LRBA: variants seen among roughly 807,000 people sequenced by gnomAD.
LRBA encodes lipopolysaccharide-responsive and beige-like anchor protein.
A neutral mutation model predicts 330.0 loss-of-function variants in LRBA; 176 were observed. The observed-to-expected ratio is 0.53, with a 90% CI of 0.47 to 0.60. LRBA has a LOEUF of 0.60. Ranked by LOEUF, LRBA falls within the 20% of genes least tolerant of loss-of-function variation. The pLI, the probability that LRBA is intolerant of heterozygous loss-of-function variation, is 0.00. For missense variants in LRBA, 3,259 were observed against 3,444.8 expected (o/e 0.95, Z 1.35); for synonymous variants, 1,230 against 1,193.0 (o/e 1.03, Z -0.64).
intron 2 of LRBA, among the ~76,000 whole-genome samples, chr4:150,985,109 A>T (rs1287746274): frequency 6.6e-6 from 1 of 152,104 alleles, no homozygotes; most frequent in Non-Finnish European, 1.5e-5. Flanking sequence ...AATACAAAAA[A>T]TTAACCAGGC....
intron 36 of LRBA, among the ~76,000 whole-genome samples, chr4:150,731,306 A>G (rs1334116563): frequency 1.3e-5 from 2 of 152,192 alleles, no homozygotes; most frequent in East Asian, 3.8e-4. Context: ...TCCAAAAGAA[A>G]GGAAATCAGT....
intron 44 of LRBA, among the ~76,000 whole-genome samples, chr4:150,446,241 T>G (rs1034695800): frequency 1.3e-5 from 2 of 152,192 alleles, no homozygotes; most frequent in Non-Finnish European, 2.9e-5. Flanking sequence ...GCCAGGCATC[T>G]GAGTTGTAAG....
Position 150,639,809 on chromosome 4 carries a change from GTGTGTGTGTGTATA to G in LRBA, c.5922-40692_5922-40679del, listed in dbSNP as rs1561457801. Among the ~76,000 whole-genome samples, 11 of 6,120 alleles carry G rather than the reference GTGTGTGTGTGTATA, an allele frequency of 1.8e-3. 1 individual carries two copies. Among genetic ancestry groups the G allele is most frequent in the East Asian group, 8.0e-3 (2 of 250 alleles). The allele number at this position is 6,120 out of a possible 152,430, so 4.0% of individuals were successfully genotyped here. A position where few individuals can be genotyped will look rare whatever the true frequency, so the allele number is the denominator to read the frequency against. ...TGTGTGTGTATATATATATATATGTGTGTGTGTGTGTATATATATATATATATATATATATATAT... is the reference window on the plus strand; with the variant it reads ...TGTGTGTGTATATATATATATATGTGTATATATATATATATATATATATAT... On this transcript the variant is annotated intron_variant, in intron 37 of 56. Transcript: ENST00000651943.
intron 53 of LRBA, among the ~76,000 whole-genome samples, chr4:150,292,260 A>G (rs991240877): frequency 1.2e-4 from 18 of 152,194 alleles, no homozygotes; most frequent in African/African-American, 4.3e-4. Flanking sequence ...ATTTAGGAAA[A>G]CAGGTGACAA....
chr4:150,360,943 C>A (rs965291226), intron 47 of LRBA, among the ~76,000 whole-genome samples: 1 of 152,198 alleles, frequency 6.6e-6, no homozygotes, highest in Non-Finnish European at 1.5e-5. Context: ...ATGCTGTAAT[C>A]TATAAACTTT....
At chr4:150,509,045 T>C (rs1343783071) in intron 40 of LRBA, among the ~76,000 whole-genome samples, 1 of 152,236 alleles carries the variant, frequency 6.6e-6, no homozygotes, top group Non-Finnish European at 1.5e-5. Context: ...ATGGTGACTA[T>C]AGTTAATGGT....
At chr4:150,528,042 TC>T (rs1465244428) in intron 40 of LRBA, among the ~76,000 whole-genome samples, 2 of 152,282 alleles carry the variant, frequency 1.3e-5, no homozygotes, top group African/African-American at 4.8e-5. Flanking sequence ...TTACCTAACC[TC>T]AAGTGATTCA....
In LRBA at chr4:150,817,227, T is replaced by G. The variant is rs747738956; in HGVS notation, c.5202A>C (p.Ala1734=). ...RSVIVAAKKS[A]VSPSTFNTSI... ...TTGTATTAAAGGTGGAAGGTGAGACTGCTGACTTTTTTGCTGCAACAATGA... is the reference window on the plus strand; with the variant it reads ...TTGTATTAAAGGTGGAAGGTGAGACGGCTGACTTTTTTGCTGCAACAATGA... Residue 1734 remains alanine (A), a synonymous_variant, in exon 31 of 57, where the codon GCA becomes GCC. Coordinates refer to ENST00000651943, the MANE Select transcript of LRBA (RefSeq NM_001364905.1). 1 of 1,612,236 alleles carries G rather than the reference T, an allele frequency of 6.2e-7. No homozygotes were observed. Among genetic ancestry groups the G allele is most frequent in the Non-Finnish European group, 8.5e-7 (1 of 1,178,724 alleles).
intron 40 of LRBA, chr4:150,582,727 G>A (rs977772187): frequency 1.0e-5 from 3 of 288,314 alleles, no homozygotes; most frequent in Non-Finnish European, 1.3e-5. Flanking sequence ...TCTCGCACAC[G>A]GTCATCTTTA....
At chr4:150,637,284 T>C (rs1581881829) in intron 37 of LRBA, among the ~76,000 whole-genome samples, 1 of 152,182 alleles carries the variant, frequency 6.6e-6, no homozygotes, top group African/African-American at 2.4e-5. Context: ...TTCTGTTCCA[T>C]TGATCTATAC....
At chr4:150,375,135 G>A (rs905547986) in intron 47 of LRBA, among the ~76,000 whole-genome samples, 9 of 152,160 alleles carry the variant, frequency 5.9e-5, no homozygotes, top group African/African-American at 2.2e-4. Flanking sequence ...CTATAGAAGG[G>A]AGGCTGTCTG....
chr4:150,565,442 T>C (rs754910791), intron 40 of LRBA, among the ~76,000 whole-genome samples: 3 of 152,062 alleles, frequency 2.0e-5, no homozygotes, highest in Non-Finnish European at 4.4e-5. Flanking sequence ...CAAACCACCA[T>C]GGCACATGTA....
intron 2 of LRBA, among the ~76,000 whole-genome samples, chr4:150,995,674 T>C (rs1364493770): frequency 6.6e-6 from 1 of 151,938 alleles, no homozygotes; most frequent in Non-Finnish European, 1.5e-5. Context: ...TTGGCTTGCT[T>C]TAGGAAGTAC....
At chr4:150,981,551 CA>C (rs1740836484) in intron 2 of LRBA, among the ~76,000 whole-genome samples, 1 of 151,912 alleles carries the variant, frequency 6.6e-6, no homozygotes, top group African/African-American at 2.4e-5. Context: ...CTATAGTAAC[CA>C]AAACAGCATG....
chr4:150,419,167 C>T (rs990280285), intron 46 of LRBA, among the ~76,000 whole-genome samples: 2 of 152,128 alleles, frequency 1.3e-5, no homozygotes, highest in East Asian at 3.9e-4. Context: ...TTTTAGCTTC[C>T]GTTCTTTCTC....
At chr4:150,625,648 C>T (rs879745084) in intron 37 of LRBA, among the ~76,000 whole-genome samples, 24 of 150,494 alleles carry the variant, frequency 1.6e-4, no homozygotes, top group Non-Finnish European at 3.1e-4. Context: ...ATATTCATGC[C>T]CAATCAGCAT....
intron 30 of LRBA, among the ~76,000 whole-genome samples, chr4:150,824,818 A>G (rs186819317): frequency 1.3e-5 from 2 of 152,310 alleles, no homozygotes; most frequent in Non-Finnish European, 2.9e-5. Flanking sequence ...TCTGTCACCC[A>G]GGCTGGAGTG....
chr4:150,528,791 CAA>C (rs1197799506), intron 40 of LRBA, among the ~76,000 whole-genome samples: 1 of 152,010 alleles, frequency 6.6e-6, no homozygotes, highest in Non-Finnish European at 1.5e-5. Flanking sequence ...AAGAAACAGA[CAA>C]AGTTTTAAAA....
intron 44 of LRBA, among the ~76,000 whole-genome samples, chr4:150,455,981 G>A (rs1160291217): frequency 3.9e-5 from 6 of 152,110 alleles, no homozygotes; most frequent in Admixed American, 3.9e-4. Context: ...TTCTATCCAT[G>A]TTGTTGCAAA....
Sources: gnomAD v4.1 joint callset for allele counts (sites outside exome capture counted in the v4.1 genomes callset) on GRCh38, gnomAD v4.1.1 for gene constraint, MANE v1.5 for transcripts, NCBI Gene and HGNC (gene_info 2026-07-23, HGNC 2026-07-21) for gene names.